Variants in MTOR observed in about 807,000 individuals in gnomAD.
MTOR encodes mechanistic target of rapamycin kinase.
MTOR carries 70 observed loss-of-function variants against 319.8 expected under a neutral mutation model. The ratio of observed to expected loss-of-function variants is 0.22; its 90% confidence interval spans 0.18 to 0.27. The LOEUF (loss-of-function observed/expected upper bound fraction) is 0.27. MTOR is among the 10% of genes least tolerant of loss of function. The pLI, the probability that MTOR is intolerant of heterozygous loss-of-function variation, is 1.00. For synonymous variants in MTOR, 1,183 were observed against 1,211.4 expected (o/e 0.98, Z 0.49); for missense variants, 1,890 against 3,274.4 (o/e 0.58, Z 10.32).
At chr1:11,181,904 G>C (rs1645155775) in intron 28 of MTOR, among the ~76,000 whole-genome samples, 2 of 152,178 alleles carry the variant, frequency 1.3e-5, no homozygotes, top group Admixed American at 1.3e-4. Context: ...TTACAGGTTA[G>C]AGAAGTAGAT....
In MTOR at chr1:11,129,666, C is replaced by T. The variant is rs548115886; in HGVS notation, c.5714+72G>A. ...ATCAGGGTCAGGAAGGGAAAGAGGA[C>T]TTTTACGTGTGACTTCTAGGTCTTG... is the stretch of plus-strand genomic sequence containing the variant. On this transcript the variant is annotated intron_variant, in intron 40 of 57. Transcript: ENST00000361445. This position sits in a 1 kb window ranked among gnomAD's most constrained non-coding sequence, Gnocchi z 4.7. The T allele has an allele frequency of 1.4e-6, 2 of 1,392,688 alleles. No homozygotes were observed. Among genetic ancestry groups the T allele is most frequent in the East Asian group, 4.7e-5 (2 of 42,820 alleles). The allele number at this position is 1,392,688 out of a possible 1,614,324, so 86.3% of individuals were successfully genotyped here.
intron 29 of MTOR, among the ~76,000 whole-genome samples, chr1:11,167,143 T>C (rs1297295360): frequency 6.6e-6 from 1 of 151,794 alleles, no homozygotes; most frequent in Non-Finnish European, 1.5e-5. Flanking sequence ...ATTCCTAATG[T>C]AAATGACGAG....
At chr1:11,180,875 C>G (rs1645125259) in intron 28 of MTOR, among the ~76,000 whole-genome samples, 1 of 151,468 alleles carries the variant, frequency 6.6e-6, no homozygotes, top group African/African-American at 2.4e-5. Flanking sequence ...CTCCCGAGTT[C>G]AAGCAATTCT....
intron 6 of MTOR, among the ~76,000 whole-genome samples, chr1:11,250,811 C>A (rs1434338141): frequency 6.6e-6 from 1 of 152,212 alleles, no homozygotes. Flanking sequence ...CCATTTCAGT[C>A]TTCCCACTGC....
At position 11,109,414 on chromosome 1, in the gene MTOR, T is replaced by C. The variant is rs2100288101; in HGVS notation, c.7448-44A>G. On this transcript the variant is annotated intron_variant, in intron 55 of 57. Coordinates refer to ENST00000361445, the MANE Select transcript of MTOR (RefSeq NM_004958.4). This position sits in a 1 kb window ranked among gnomAD's most constrained non-coding sequence, Gnocchi z 4.0. Reference sequence around the variant, plus strand: ...GAAATAACTGTAAGAATGGGAGCAATACAACAGGTTCAATGGGTGCCCTGT... The same window carrying C: ...GAAATAACTGTAAGAATGGGAGCAACACAACAGGTTCAATGGGTGCCCTGT... 2 of 1,571,838 alleles carry C rather than the reference T, an allele frequency of 1.3e-6. No individual in the cohort carries two copies. The highest frequency in any genetic ancestry group is 1.1e-5 in the South Asian group (1 of 89,362).
chr1:11,238,056 A>G lies in MTOR; in HGVS notation c.2003-8T>C, dbSNP rs1647447446. The stretch of plus-strand genomic sequence containing the variant: ...AGTAGCGAATGTCAGGGTCTGCAAG[A>G]GCAATGGAGCCTTTGAACATTTCCT... On this transcript the variant is annotated splice_polypyrimidine_tract_variant and splice_region_variant and intron_variant, in intron 12 of 57. Transcript: ENST00000361445. The G allele has an allele frequency of 1.9e-6, 3 of 1,613,966 alleles. No individual in the cohort carries two copies. The highest frequency in any genetic ancestry group is 2.5e-6 in the Non-Finnish European group (3 of 1,179,872).
At chr1:11,169,291 C>A (rs1644738936) in intron 28 of MTOR, among the ~76,000 whole-genome samples, 1 of 152,174 alleles carries the variant, frequency 6.6e-6, no homozygotes, top group Non-Finnish European at 1.5e-5. Flanking sequence ...ACTTCTTTGA[C>A]CCCATGCATC....
chr1:11,189,955 G>A (rs981755340), intron 28 of MTOR: 1 of 1,604,570 alleles, frequency 6.2e-7, no homozygotes, highest in Non-Finnish European at 8.5e-7. Flanking sequence ...GACCTCCGCA[G>A]GTAAGGAGAC....
chr1:11,146,881 T>G, intron 31 of MTOR, 90 bp from the exon 32 acceptor site: 1 of 876,018 alleles, frequency 1.1e-6, no homozygotes, highest in Middle Eastern at 3.3e-4. Context: ...CACTGTTATT[T>G]TCCTTTAGCT....
intron 28 of MTOR, among the ~76,000 whole-genome samples, chr1:11,198,640 AGC>A (rs564924206): frequency 5.3e-5 from 8 of 152,192 alleles, no homozygotes; most frequent in Non-Finnish European, 8.8e-5. Flanking sequence ...GTTTTTTAGG[AGC>A]TGGAGCTAAT....
At chr1:11,254,085 G>A in intron 5 of MTOR, 112 bp from the exon 6 acceptor site, 1 of 1,214,738 alleles carries the variant, frequency 8.2e-7, no homozygotes. Flanking sequence ...CCTGCTCAGT[G>A]CCTAGTGCCA....
rs1645893684 is a variant in MTOR at position 11,199,501 on chromosome 1, C to G, written c.4107+40G>C. 6.2e-7 allele frequency: 1 copy of G among 1,613,678 alleles called. No individual in the cohort carries two copies. The highest frequency in any genetic ancestry group is 1.1e-5 in the South Asian group (1 of 91,068). ...GCTTCTCTCCTCCCACCAGCTGGTT[C>G]CCTGTCAGCCTCCATCTGGACAATG... On this transcript the variant is annotated intron_variant, in intron 27 of 57. Coordinates refer to ENST00000361445, the MANE Select transcript of MTOR (RefSeq NM_004958.4). The surrounding 1 kb of genome is among the most constrained non-coding windows in gnomAD (Gnocchi z 4.5).
intron 36 of MTOR, among the ~76,000 whole-genome samples, chr1:11,135,562 A>G (rs1463144280): frequency 6.6e-6 from 1 of 152,200 alleles, no homozygotes; most frequent in African/African-American, 2.4e-5. Flanking sequence ...AGCCAGGTGC[A>G]GTGGCTCACA....
At chr1:11,107,561 A>G (rs1472173351) in intron 57 of MTOR, 61 bp from the exon 58 acceptor site, 4 of 1,575,522 alleles carry the variant, frequency 2.5e-6, no homozygotes, top group Non-Finnish European at 2.6e-6. Flanking sequence ...AGGTTTACAC[A>G]GATAACTTGA....
chr1:11,151,880 T>C (rs963093399), intron 30 of MTOR, among the ~76,000 whole-genome samples: 2 of 152,174 alleles, frequency 1.3e-5, no homozygotes, highest in Admixed American at 6.5e-5. Flanking sequence ...TTTTTCAGGA[T>C]CAGCTGATTC....
intron 36 of MTOR, among the ~76,000 whole-genome samples, chr1:11,135,646 C>G (rs956546943): frequency 6.6e-6 from 1 of 151,830 alleles, no homozygotes; most frequent in African/African-American, 2.4e-5. Flanking sequence ...CCAGCCTGGC[C>G]AACATGGTGA....
intron 28 of MTOR, chr1:11,194,764 G>T: frequency 1.9e-6 from 3 of 1,597,028 alleles, no homozygotes; most frequent in Non-Finnish European, 2.6e-6. Context: ...TCCGGTTTTG[G>T]TATTCTTTCT....
At chr1:11,158,043 C>T (rs772892683) in intron 29 of MTOR, among the ~76,000 whole-genome samples, 4 of 152,088 alleles carry the variant, frequency 2.6e-5, no homozygotes, top group Non-Finnish European at 5.9e-5. Flanking sequence ...GTGTTGTCCA[C>T]GTGAGTAGGA....
chr1:11,138,811 A>C (rs1207269584), intron 36 of MTOR: 1 of 153,248 alleles, frequency 6.5e-6, no homozygotes, highest in Non-Finnish European at 1.5e-5. Context: ...TTGTCTGTAC[A>C]TAAAGTCAGA....
Sources: gnomAD v4.1 joint callset for allele counts (sites outside exome capture counted in the v4.1 genomes callset) on GRCh38, gnomAD v4.1.1 for gene constraint, Gnocchi (gnomAD v3.1) non-coding constraint, MANE v1.5 for transcripts, NCBI Gene and HGNC (gene_info 2026-07-23, HGNC 2026-07-21) for gene names.